The following OSTM1 variants were observed in gnomAD, a reference collection of about 807,000 sequenced individuals.
OSTM1 encodes osteopetrosis-associated transmembrane protein 1.
A neutral mutation model predicts 35.4 loss-of-function variants in OSTM1; 26 were observed. The observed-to-expected ratio is 0.73, with a 90% CI of 0.54 to 1.02. The LOEUF (loss-of-function observed/expected upper bound fraction) is 1.02. OSTM1 is among the 50% of genes least tolerant of loss of function. OSTM1 has a pLI of 0.00. For synonymous variants in OSTM1, 181 were observed against 165.0 expected (o/e 1.10, Z -0.75); for missense variants, 366 against 409.6 (o/e 0.89, Z 0.92).
chr6:108,058,017 G>A (rs1194995228), intron 2 of OSTM1, among the ~76,000 whole-genome samples: 1 of 151,438 alleles, frequency 6.6e-6, no homozygotes, highest in Non-Finnish European at 1.5e-5. Context: ...TCTCAGAGAA[G>A]GCTCAGGCAT....
intron 2 of OSTM1, among the ~76,000 whole-genome samples, chr6:108,062,478 T>C (rs1246366586): frequency 1.3e-5 from 2 of 152,072 alleles, no homozygotes; most frequent in African/African-American, 4.8e-5. Context: ...AGTGAAACCA[T>C]GGCTAATAGA....
chr6:108,049,621 A>G (rs2114591627), intron 4 of OSTM1: 1 of 1,283,484 alleles, frequency 7.8e-7, no homozygotes, highest in Non-Finnish European at 1.0e-6. Context: ...ATTTATATCC[A>G]TACAGAAATT....
Position 108,051,206 on chromosome 6 carries a change from G to T in OSTM1, c.616-8C>A. On this transcript the variant is annotated splice_polypyrimidine_tract_variant and splice_region_variant and intron_variant, in intron 3 of 5. Transcript: ENST00000193322. ...AAGACTATGTGCATTCCCCTAAAATGACAAAGGCACATGTAATATATACAA... is the reference window on the plus strand; with the variant it reads ...AAGACTATGTGCATTCCCCTAAAATTACAAAGGCACATGTAATATATACAA... 6.3e-7 allele frequency: 1 copy of T among 1,598,128 alleles called. No individual in the cohort carries two copies. The highest frequency in any genetic ancestry group is 8.6e-7 in the Non-Finnish European group (1 of 1,166,038).
intron 1 of OSTM1, among the ~76,000 whole-genome samples, chr6:108,064,602 A>G (rs983728699): frequency 1.9e-4 from 29 of 152,234 alleles, no homozygotes; most frequent in Admixed American, 9.8e-4. Context: ...TATGCAAATA[A>G]TAAATCCAAG....
Position 108,051,261 on chromosome 6 carries a change from T to C in OSTM1, c.616-63A>G. On this transcript the variant is annotated intron_variant, in intron 3 of 5. Transcript: ENST00000193322. ...CATTATATACAATATCTCTTTAATG[T>C]AAGCTATTTACGCTTCTAGAAGACG... is the stretch of plus-strand genomic sequence containing the variant. The C allele has an allele frequency of 1.6e-6, 2 of 1,238,350 alleles. 1 individual carries two copies. Among genetic ancestry groups the C allele is most frequent in the South Asian group, 2.5e-5 (2 of 79,616 alleles). The allele number at this position is 1,238,350 out of a possible 1,614,324, so 76.7% of individuals were successfully genotyped here.
intron 2 of OSTM1, chr6:108,061,005 A>G (rs1772262234): frequency 6.6e-6 from 1 of 152,198 alleles, no homozygotes; most frequent in Admixed American, 6.5e-5. Flanking sequence ...TAAATTATTT[A>G]TAATTAACAT....
At chr6:108,050,128 A>T (rs924691280) in intron 4 of OSTM1, among the ~76,000 whole-genome samples, 2 of 152,212 alleles carry the variant, frequency 1.3e-5, no homozygotes, top group East Asian at 3.8e-4. Context: ...ATACATGTTT[A>T]TTAAGCCCAT....
At chr6:108,067,828 TAAAAAA>T (rs60932026) in intron 1 of OSTM1, among the ~76,000 whole-genome samples, 3 of 77,804 alleles carry the variant, frequency 3.9e-5, no homozygotes, top group African/African-American at 1.4e-4. Context: ...AGCCTCTGTC[TAAAAAA>T]AAAAAAAAAA....
chr6:108,067,377 A>C (rs1772397864), intron 1 of OSTM1, among the ~76,000 whole-genome samples: 1 of 152,136 alleles, frequency 6.6e-6, no homozygotes, highest in Non-Finnish European at 1.5e-5. Context: ...CCTTTTCTGG[A>C]AACTGACCTT....
At chr6:108,058,190 A>G (rs1772201266) in intron 2 of OSTM1, among the ~76,000 whole-genome samples, 2 of 151,894 alleles carry the variant, frequency 1.3e-5, no homozygotes, top group South Asian at 4.1e-4. Flanking sequence ...TCAAGTTAAG[A>G]CCTCACAGAG....
chr6:108,069,918 T>A (rs890673575), intron 1 of OSTM1, among the ~76,000 whole-genome samples: 2 of 152,210 alleles, frequency 1.3e-5, no homozygotes, highest in Non-Finnish European at 2.9e-5. Context: ...TTCTCCTTAT[T>A]ATACTCCTCT....
At position 108,044,841 on chromosome 6, in the gene OSTM1, CTAGA is replaced by C. The variant is rs1279759961; in HGVS notation, c.950-5_950-2del. ...CTGGTACTGGACTTGAGACGTTTGG[CTAGA>C]TAAATCAAAAGAATTATATTTTAAT... On this transcript the variant is annotated splice_acceptor_variant and splice_polypyrimidine_tract_variant and intron_variant, in intron 5 of 5. Coordinates refer to ENST00000193322, the MANE Select transcript of OSTM1 (RefSeq NM_014028.4). LOFTEE classifies it high-confidence loss of function. 2.0e-6 allele frequency: 3 copies of C among 1,507,460 alleles called. No individual in the cohort carries two copies. The African/African-American group carries it at 4.1e-5, about 21-fold the overall frequency. The allele number at this position is 1,507,460 out of a possible 1,614,324, so 93.4% of individuals were successfully genotyped here.
intron 2 of OSTM1, among the ~76,000 whole-genome samples, chr6:108,062,772 C>T (rs1241423990): frequency 1.3e-5 from 2 of 152,076 alleles, no homozygotes; most frequent in Non-Finnish European, 2.9e-5. Flanking sequence ...AAACAATTCT[C>T]CCACCTTGGC....
rs1772559912 is a variant in OSTM1, at chr6:108,074,635, G to A, written c.17C>T (p.Thr6Ile). 1.3e-6 allele frequency: 2 copies of A among 1,552,518 alleles called. No homozygotes were observed. The highest frequency in any genetic ancestry group is 4.8e-5 in the East Asian group (2 of 42,064). ...CAACGAACACCTCCGCTGCGCGGCTGTCGGGCCCGGCTCCATCACCGGGCT... is the reference window on the plus strand; with the variant it reads ...CAACGAACACCTCCGCTGCGCGGCTATCGGGCCCGGCTCCATCACCGGGCT... MEPGP[T>I]AAQRRCSLPP... Residue 6 changes from threonine to isoleucine, a missense_variant, in exon 1 of 6, where the codon ACA (threonine) becomes ATA (isoleucine). Coordinates refer to ENST00000193322, the MANE Select transcript of OSTM1 (RefSeq NM_014028.4).
At chr6:108,062,934 T>C (rs1246281286) in intron 2 of OSTM1, among the ~76,000 whole-genome samples, 1 of 151,986 alleles carries the variant, frequency 6.6e-6, no homozygotes, top group African/African-American at 2.4e-5. Flanking sequence ...CTTGCTAACT[T>C]TACCTCCCAC....
chr6:108,065,699 A>G (rs1772364691), intron 1 of OSTM1, among the ~76,000 whole-genome samples: 1 of 152,206 alleles, frequency 6.6e-6, no homozygotes, highest in South Asian at 2.1e-4. Context: ...TTAATCACTC[A>G]GCACACTGTC....
Position 108,042,090 on chromosome 6 carries a change from C to T in OSTM1, c.*2695G>A, listed in dbSNP as rs1771876444. 3 of 151,540 alleles carry T rather than the reference C, an allele frequency of 2.0e-5. No homozygotes were observed. The highest frequency in any genetic ancestry group is 1.3e-4 in the Admixed American group (2 of 15,192). 9.4% of individuals were successfully genotyped at this position (151,540 alleles called of 1,614,324 possible). ...CCCAGAAACATTAGAAAATACTAGT[C>T]CCAATATAAGTAACATTTACCAACT... On this transcript the variant is annotated 3_prime_UTR_variant, in exon 6 of 6. Transcript: ENST00000193322.
At position 108,046,168 on chromosome 6, in the gene OSTM1, ATTTTTTTTT is replaced by A. The variant is rs750495431; in HGVS notation, c.950-1337_950-1329del. ...AGGTGCCCACCACCACGCCCAGCTA[ATTTTTTTTT>A]TTTTTTTTTTTTTTTGGTATTTTTA... On this transcript the variant is annotated intron_variant, in intron 5 of 5. Coordinates refer to ENST00000193322, the MANE Select transcript of OSTM1 (RefSeq NM_014028.4). Among the ~76,000 whole-genome samples, 723 of 93,454 alleles carry A rather than the reference ATTTTTTTTT, an allele frequency of 7.7e-3. 5 individuals are homozygous for A. Among genetic ancestry groups the A allele is most frequent in the Non-Finnish European group, 0.01 (533 of 52,216 alleles). The allele number at this position is 93,454 out of a possible 152,430, so 61.3% of individuals were successfully genotyped here.
intron 1 of OSTM1, among the ~76,000 whole-genome samples, chr6:108,068,175 A>C (rs1186630965): frequency 5.9e-5 from 9 of 151,480 alleles, no homozygotes; most frequent in South Asian, 2.1e-4. Context: ...ATTCTTCTTT[A>C]TCTCTCCAAT....
Sources: allele counts gnomAD v4.1 joint callset (sites outside exome capture counted in the v4.1 genomes callset), GRCh38; gene constraint gnomAD v4.1.1; transcripts MANE v1.5; gene names NCBI Gene and HGNC (gene_info 2026-07-23, HGNC 2026-07-21).